The following VIT variants were observed in gnomAD, a reference collection of about 807,000 sequenced individuals.
The protein encoded by VIT is vitrin.
In VIT, 99 loss-of-function variants were observed where a neutral mutation model predicts 78.0. The ratio of observed to expected loss-of-function variants is 1.27; its 90% CI spans 1.08 to 1.50. The LOEUF (loss-of-function observed/expected upper bound fraction) is 1.50. VIT is among the 40% of genes most tolerant of loss of function. The probability of loss-of-function intolerance (pLI) is 0.00; values close to 1 mark genes in which losing one functional copy is unlikely to be tolerated. For missense variants in VIT, 1,126 were observed against 875.3 expected, an observed-to-expected ratio of 1.29 and a Z score of -3.61; for synonymous variants, 374 against 334.3, an observed-to-expected ratio of 1.12 and a Z score of -1.29.
chr2:36,793,729 G>T (rs977193642), intron 12 of VIT, among the ~76,000 whole-genome samples: 34 of 152,220 alleles, frequency 2.2e-4, no homozygotes, highest in Non-Finnish European at 3.7e-4. Context: ...AAATAGAAAA[G>T]TTCTTGTTGG....
chr2:36,800,656 C>T (rs189656359), intron 12 of VIT, among the ~76,000 whole-genome samples: 3 of 152,310 alleles, frequency 2.0e-5, no homozygotes, highest in Admixed American at 6.5e-5. Context: ...CCCTCCACTC[C>T]GCCGCTTCGT....
chr2:36,758,404 AT>A (rs527502298), intron 5 of VIT, among the ~76,000 whole-genome samples: 47 of 152,146 alleles, frequency 3.1e-4, no homozygotes, highest in Non-Finnish European at 6.0e-4. Flanking sequence ...TTTTATGCTT[AT>A]TTTTTTCCCT....
chr2:36,732,128 C>T (rs180807590), intron 3 of VIT, among the ~76,000 whole-genome samples: 42 of 152,326 alleles, frequency 2.8e-4, no homozygotes, highest in East Asian at 2.7e-3. Flanking sequence ...GACAAATGCA[C>T]GCCCAAGTAT....
At chr2:36,717,208 A>C (rs1465293242) in intron 2 of VIT, among the ~76,000 whole-genome samples, 2 of 117,054 alleles carry the variant, frequency 1.7e-5, no homozygotes, top group Admixed American at 9.3e-5. Context: ...TTTGAGACGG[A>C]GTCTCTGTCG....
intron 13 of VIT, among the ~76,000 whole-genome samples, chr2:36,801,943 G>C (rs1255917301): frequency 6.6e-6 from 1 of 152,122 alleles, no homozygotes; most frequent in African/African-American, 2.4e-5. Context: ...CAAGTCTGCT[G>C]TCCTGACTAT....
intron 9 of VIT, among the ~76,000 whole-genome samples, chr2:36,776,794 C>T (rs1385488764): frequency 4.7e-5 from 7 of 149,882 alleles, no homozygotes; most frequent in African/African-American, 1.7e-4. Flanking sequence ...GACTCCATCT[C>T]AAAAAAAATA....
intron 2 of VIT, among the ~76,000 whole-genome samples, chr2:36,726,322 T>C (rs1666840989): frequency 6.6e-6 from 1 of 152,194 alleles, no homozygotes; most frequent in East Asian, 1.9e-4. Flanking sequence ...TCGATATAGA[T>C]CATTAAGTAG....
intron 2 of VIT, among the ~76,000 whole-genome samples, chr2:36,725,459 T>C (rs1666773052): frequency 6.6e-6 from 1 of 152,064 alleles, no homozygotes. Flanking sequence ...AGAGGCAAAC[T>C]AGCTCTCTGG....
chr2:36,811,758 C>T (rs749683895), intron 15 of VIT, among the ~76,000 whole-genome samples: 2 of 151,660 alleles, frequency 1.3e-5, no homozygotes, highest in Non-Finnish European at 2.9e-5. Flanking sequence ...TTGCAACCTC[C>T]GCCTCCTGGG....
intron 9 of VIT, among the ~76,000 whole-genome samples, chr2:36,781,523 T>C (rs1292233583): frequency 2.0e-5 from 3 of 152,188 alleles, no homozygotes; most frequent in East Asian, 1.9e-4. Context: ...TTGGTAAAGA[T>C]GTTTATGCCT....
intron 3 of VIT, among the ~76,000 whole-genome samples, chr2:36,732,053 C>T (rs558087448): frequency 1.8e-4 from 28 of 152,296 alleles, no homozygotes; most frequent in African/African-American, 6.7e-4. Flanking sequence ...CTGTCAGGAC[C>T]AAGAGCCAAG....
At position 36,769,615 on chromosome 2, in the gene VIT, C is replaced by T. The variant is rs144860956; in HGVS notation, c.679+2330C>T. ...TTGTATTGCCTATTCAAAGGAGTTT[C>T]TGAAGGCCTAAAAAGAAGTGAAAAT... is the stretch of plus-strand genomic sequence containing the variant. On this transcript the variant is annotated intron_variant, in intron 7 of 15. Transcript: ENST00000379242. Among the ~76,000 whole-genome samples the T allele has an allele frequency of 4.3e-3, 656 of 152,264 alleles. 8 individuals carry two copies. The highest frequency in any genetic ancestry group is 0.015 in the African/African-American group (633 of 41,542).
At chr2:36,784,215 C>T (rs1558569583) in intron 11 of VIT, among the ~76,000 whole-genome samples, 1 of 152,202 alleles carries the variant, frequency 6.6e-6, no homozygotes, top group East Asian at 1.9e-4. Flanking sequence ...AAAGAAAGCA[C>T]CTGCATATTC....
chr2:36,759,993 C>CTT (rs879361858), intron 6 of VIT, among the ~76,000 whole-genome samples: 7 of 98,338 alleles, frequency 7.1e-5, no homozygotes, highest in African/African-American at 1.9e-4. Context: ...TTTTCTTTCT[C>CTT]TTTTTTTTTT....
chr2:36,808,358 T>G, intron 14 of VIT, 114 bp from the exon 15 acceptor site: 1 of 1,376,084 alleles, frequency 7.3e-7, no homozygotes, highest in Non-Finnish European at 9.7e-7. Flanking sequence ...GGAGGGCTAG[T>G]GCAGAAAACA....
chr2:36,764,009 T>G (rs1164581085), intron 6 of VIT, among the ~76,000 whole-genome samples: 1 of 152,252 alleles, frequency 6.6e-6, no homozygotes, highest in African/African-American at 2.4e-5. Context: ...GAGCAAGTGA[T>G]ACAAAGACTG....
In VIT at chr2:36,762,930, A is replaced by T. The variant is rs573655543; in HGVS notation, c.487+3884A>T. Among the ~76,000 whole-genome samples, 6 of 152,318 alleles carry T rather than the reference A, an allele frequency of 3.9e-5. No individual in the cohort carries two copies. The East Asian group carries it at 1.2e-3, about 29-fold the overall frequency. ...CCGCGCCCCAACTGCCCTGGCATTT[A>T]GCAACCATTAGGCAGGCAGCTGCTT... On this transcript the variant is annotated intron_variant, in intron 6 of 15. Transcript: ENST00000379242.
chr2:36,814,372 G>T lies in VIT; in HGVS notation c.*11G>T. The T allele has an allele frequency of 6.2e-7, 1 of 1,613,580 alleles. No individual in the cohort carries two copies. The highest frequency in any genetic ancestry group is 2.2e-5 in the East Asian group (1 of 44,874). On this transcript the variant is annotated 3_prime_UTR_variant, in exon 16 of 16. Coordinates refer to ENST00000379242, the MANE Select transcript of VIT (RefSeq NM_053276.4). ...CAGCCTCGGAACTGAATTCAGAGCA[G>T]GCAGAGCACCAGCAAGTGCTGCTTT...
At chr2:36,749,113 T>A (rs1336195928) in intron 4 of VIT, among the ~76,000 whole-genome samples, 1 of 152,194 alleles carries the variant, frequency 6.6e-6, no homozygotes, top group Non-Finnish European at 1.5e-5. Flanking sequence ...GGAAGAGAAT[T>A]GTACTCTTTC....
Sources: gnomAD v4.1 joint callset for allele counts (sites outside exome capture counted in the v4.1 genomes callset) on GRCh38, gnomAD v4.1.1 for gene constraint, MANE v1.5 for transcripts, NCBI Gene and HGNC (gene_info 2026-07-23, HGNC 2026-07-21) for gene names.